The following NAALAD2 variants were observed in gnomAD, a reference collection of about 807,000 sequenced individuals.
NAALAD2 encodes N-acetylated alpha-linked acidic dipeptidase 2, also known as N-acetylated-alpha-linked acidic dipeptidase 2.
Under a neutral mutation model 95.6 loss-of-function variants are expected in NAALAD2, and 89 were observed. The observed-to-expected ratio is 0.93, with a 90% CI of 0.78 to 1.11. NAALAD2 has a LOEUF of 1.11. Ranked by LOEUF, NAALAD2 falls within the 50% of genes least tolerant of loss-of-function variation. NAALAD2 has a pLI of 0.00. For missense variants in NAALAD2, 894 were observed against 872.4 expected, an observed-to-expected ratio of 1.02 and a Z score of -0.31; for synonymous variants, 264 against 294.4, an observed-to-expected ratio of 0.90 and a Z score of 1.06.
At chr11:90,189,926 T>C (rs1361526857) in intron 18 of NAALAD2, among the ~76,000 whole-genome samples, 2 of 152,096 alleles carry the variant, frequency 1.3e-5, no homozygotes, top group African/African-American at 2.4e-5. Context: ...GAAATGTCCA[T>C]TGTGGAGGGT....
chr11:90,173,429 A>C (rs1952699141), intron 13 of NAALAD2, among the ~76,000 whole-genome samples: 1 of 152,230 alleles, frequency 6.6e-6, no homozygotes, highest in African/African-American at 2.4e-5. Context: ...TTAGGCAAAA[A>C]TAATTTACAA....
chr11:90,147,094 T>A (rs76799885), intron 2 of NAALAD2, among the ~76,000 whole-genome samples: 2 of 152,202 alleles, frequency 1.3e-5, no homozygotes, highest in Non-Finnish European at 2.9e-5. Flanking sequence ...GCTGATTGTA[T>A]CTACCATGAA....
rs534184384 is a variant in NAALAD2, at chr11:90,179,183, C to T, written c.1858+1066C>T. 3.0e-4 allele frequency among the ~76,000 whole-genome samples: 46 copies of T among 152,318 alleles called. 1 individual carries two copies. In the South Asian group the frequency reaches 8.3e-3, roughly 27 times the overall value. ...AGTGCTCATTAAATATTACCTATTA[C>T]TGTTTTATTACAAACATTGTCTTTT... is the stretch of plus-strand genomic sequence containing the variant. On this transcript the variant is annotated intron_variant, in intron 16 of 18. Transcript: ENST00000534061.
At chr11:90,182,849 T>C in intron 17 of NAALAD2, 67 bp from the exon 18 acceptor site, 1 of 1,071,854 alleles carries the variant, frequency 9.3e-7, no homozygotes, top group Non-Finnish European at 1.4e-6. Context: ...CTTGTTTTTA[T>C]TTAATATTAT....
At chr11:90,182,801 T>TA in intron 17 of NAALAD2, 115 bp from the exon 18 acceptor site, 2 of 691,564 alleles carry the variant, frequency 2.9e-6, no homozygotes, top group Non-Finnish European at 4.8e-6. Flanking sequence ...TTCATTTTGT[T>TA]AAAAATTGAT....
intron 2 of NAALAD2, among the ~76,000 whole-genome samples, chr11:90,137,668 A>C (rs954416997): frequency 6.6e-6 from 1 of 152,118 alleles, no homozygotes; most frequent in Admixed American, 6.5e-5. Flanking sequence ...CAGTGGTGCA[A>C]TCTCAGCTCA....
chr11:90,189,993 T>G (rs997038728), intron 18 of NAALAD2, among the ~76,000 whole-genome samples: 1 of 152,170 alleles, frequency 6.6e-6, no homozygotes, highest in African/African-American at 2.4e-5. Flanking sequence ...TGAATTCTTA[T>G]GGGACTAGAA....
chr11:90,146,178 AAC>A (rs1048437968), intron 2 of NAALAD2, among the ~76,000 whole-genome samples: 7 of 151,818 alleles, frequency 4.6e-5, no homozygotes, highest in Non-Finnish European at 8.8e-5. Flanking sequence ...TAAATGAGAA[AAC>A]ACATGTGAAA....
intron 2 of NAALAD2, among the ~76,000 whole-genome samples, chr11:90,144,740 T>TAAAAAAAAAAAAAAAAAAAAAA (rs773275468): frequency 2.2e-5 from 2 of 90,910 alleles, no homozygotes; most frequent in South Asian, 4.1e-4. Flanking sequence ...AAAACTCCAT[T>TAAAAAAAAAAAAAAAAAAAAAA]AAAAAAAAAA....
At chr11:90,135,701 A>T (rs939099325) in intron 2 of NAALAD2, 31 bp downstream of exon 2, 10 of 1,556,706 alleles carry the variant, frequency 6.4e-6, no homozygotes, top group Non-Finnish European at 8.8e-6. Flanking sequence ...TGATCTTAAA[A>T]ATCATGTTTA....
intron 16 of NAALAD2, among the ~76,000 whole-genome samples, chr11:90,179,199 A>C (rs552981899): frequency 6.6e-6 from 1 of 152,172 alleles, no homozygotes; most frequent in Non-Finnish European, 1.5e-5. Flanking sequence ...TATTACAAAC[A>C]TTGTCTTTTA....
At chr11:90,142,043 T>C (rs1290858742) in intron 2 of NAALAD2, among the ~76,000 whole-genome samples, 1 of 152,182 alleles carries the variant, frequency 6.6e-6, no homozygotes, top group Non-Finnish European at 1.5e-5. Context: ...TGTCGTTATT[T>C]TGTTGATGCT....
intron 18 of NAALAD2, among the ~76,000 whole-genome samples, chr11:90,185,521 A>C (rs1022720036): frequency 1.3e-5 from 2 of 152,030 alleles, no homozygotes; most frequent in East Asian, 3.9e-4. Context: ...AAATTTTTTA[A>C]AGTAGCTGGT....
chr11:90,138,725 C>CTTTT (rs562496549), intron 2 of NAALAD2, among the ~76,000 whole-genome samples: 16 of 61,526 alleles, frequency 2.6e-4, no homozygotes, highest in East Asian at 5.1e-4. Context: ...CATCCCTCAA[C>CTTTT]TTTTTTTTTT....
upstream of NAALAD2, chr11:90,134,582 C>A: frequency 1.7e-6 from 1 of 595,114 alleles, no homozygotes; most frequent in South Asian, 2.1e-5. Flanking sequence ...TTCCTTTCCC[C>A]CATCGAGGGC....
chr11:90,177,309 GA>G (rs1487051061), intron 15 of NAALAD2, among the ~76,000 whole-genome samples: 2 of 148,892 alleles, frequency 1.3e-5, no homozygotes, highest in Non-Finnish European at 3.0e-5. Flanking sequence ...TAGCTGCCCA[GA>G]ACCTTTTTTT....
intron 12 of NAALAD2, 117 bp downstream of exon 12, chr11:90,169,109 C>T (rs891166024): frequency 3.3e-6 from 2 of 599,916 alleles, no homozygotes; most frequent in Non-Finnish European, 5.7e-6. Context: ...TTATTAAGCA[C>T]CTCAGATATC....
Position 90,181,702 on chromosome 11 carries a change from G to A in NAALAD2, c.1940+1G>A. On this transcript the variant is annotated splice_donor_variant, in intron 17 of 18. Transcript: ENST00000534061. LOFTEE classifies it high-confidence loss of function. ...GACTTATACAAGTTGATCTTAACAA[G>A]TAAGTTTCAAATCCCTTTTTTTTTA... 2.7e-6 allele frequency: 4 copies of A among 1,482,882 alleles called. No homozygotes were observed. The highest frequency in any genetic ancestry group is 2.8e-6 in the Non-Finnish European group (3 of 1,088,192). The allele number at this position is 1,482,882 out of a possible 1,614,324, so 91.9% of individuals were successfully genotyped here.
chr11:90,147,651 T>A, intron 3 of NAALAD2, 135 bp downstream of exon 3: 1 of 803,236 alleles, frequency 1.2e-6, no homozygotes, highest in Non-Finnish European at 1.9e-6. Context: ...GACATGGTGT[T>A]AAGTCCTGAG....
Sources: allele counts gnomAD v4.1 joint callset (sites outside exome capture counted in the v4.1 genomes callset), GRCh38; gene constraint gnomAD v4.1.1; transcripts MANE v1.5; gene names NCBI Gene and HGNC (gene_info 2026-07-23, HGNC 2026-07-21).